The following DPP10 variants were observed in gnomAD, a reference collection of about 807,000 sequenced individuals.
The protein encoded by DPP10 is dipeptidyl peptidase like 10, also known as inactive dipeptidyl peptidase 10.
A neutral mutation model predicts 120.9 loss-of-function variants in DPP10; 33 were observed. The ratio of observed to expected loss-of-function variants is 0.27; its 90% CI spans 0.21 to 0.37. The LOEUF (loss-of-function observed/expected upper bound fraction) is 0.37. Ranked by LOEUF, DPP10 falls within the 10% of genes least tolerant of loss-of-function variation. The pLI, the probability that DPP10 is intolerant of heterozygous loss-of-function variation, is 1.00. For synonymous variants in DPP10, 337 were observed against 326.1 expected (o/e 1.03, Z -0.36); for missense variants, 816 against 942.8 (o/e 0.87, Z 1.76).
At chr2:115,292,190 T>C (rs2060684776) in intron 1 of DPP10, among the ~76,000 whole-genome samples, 1 of 152,110 alleles carries the variant, frequency 6.6e-6, no homozygotes, top group African/African-American at 2.4e-5. Context: ...CACCTAAACT[T>C]CATAGGAATG....
chr2:115,722,488 A>G (rs1393055136), intron 7 of DPP10, among the ~76,000 whole-genome samples: 3 of 151,984 alleles, frequency 2.0e-5, no homozygotes, highest in East Asian at 1.9e-4. Flanking sequence ...TGCAAACATC[A>G]TAGGGTATAT....
chr2:115,080,183 A>C (rs1708155763), intron 1 of DPP10, among the ~76,000 whole-genome samples: 1 of 152,080 alleles, frequency 6.6e-6, no homozygotes, highest in Admixed American at 6.6e-5. Context: ...AAGCCTGGCT[A>C]ATTTCTGTGT....
chr2:115,237,016 C>T (rs1214395196), intron 1 of DPP10, among the ~76,000 whole-genome samples: 1 of 152,070 alleles, frequency 6.6e-6, no homozygotes, highest in Non-Finnish European at 1.5e-5. Context: ...TGTATAGCAG[C>T]AGCAACAGCC....
At chr2:114,515,347 T>C (rs186579090) in intron 1 of DPP10, among the ~76,000 whole-genome samples, 393 of 152,274 alleles carry the variant, frequency 2.6e-3, no homozygotes, top group Admixed American at 4.0e-3. Flanking sequence ...CTGCAGCTCG[T>C]TGGCAACAGA....
At chr2:115,005,060 C>A (rs1487183225) in intron 1 of DPP10, among the ~76,000 whole-genome samples, 3 of 151,910 alleles carry the variant, frequency 2.0e-5, no homozygotes, top group Admixed American at 6.6e-5. Context: ...GTCCCTGACC[C>A]CTGACCCCCG....
At chr2:115,578,189 C>T (rs1558875392) in intron 5 of DPP10, among the ~76,000 whole-genome samples, 2 of 152,280 alleles carry the variant, frequency 1.3e-5, no homozygotes, top group East Asian at 1.9e-4. Context: ...CCTCTGTGGG[C>T]TTTATCACCT....
At chr2:115,034,392 A>G (rs1704073880) in intron 1 of DPP10, among the ~76,000 whole-genome samples, 2 of 152,110 alleles carry the variant, frequency 1.3e-5, no homozygotes. Flanking sequence ...AGAGTCCTAA[A>G]TTTCTATCTC....
In DPP10 at chr2:114,892,537, G is replaced by A. The variant is rs542265150; in HGVS notation, c.61-416702G>A. On this transcript the variant is annotated intron_variant, in intron 1 of 25. Coordinates refer to ENST00000410059, the MANE Select transcript of DPP10 (RefSeq NM_020868.6). ...TGAAACTACACAAAGGATCTACAGA[G>A]CAGGTGAAAGAATGAGGCAGTGGTC... Among the ~76,000 whole-genome samples, 184 of 152,312 alleles carry A rather than the reference G, an allele frequency of 1.2e-3. 2 individuals carry two copies. Among genetic ancestry groups the A allele is most frequent in the African/African-American group, 4.4e-3 (181 of 41,574 alleles).
intron 1 of DPP10, among the ~76,000 whole-genome samples, chr2:114,445,405 A>G (rs116702139): frequency 0.011 from 1,618 of 152,240 alleles, 20 homozygotes; most frequent in African/African-American, 0.037. Flanking sequence ...AGTATAGTAA[A>G]TGCTGACTGT....
chr2:115,560,087 G>T (rs750725038), intron 5 of DPP10, among the ~76,000 whole-genome samples: 76 of 151,768 alleles, frequency 5.0e-4, no homozygotes, highest in Non-Finnish European at 8.2e-4. Flanking sequence ...CTGTCAAAGA[G>T]CCCACAGTGT....
chr2:115,274,400 T>C (rs1049287514), intron 1 of DPP10, among the ~76,000 whole-genome samples: 1 of 152,206 alleles, frequency 6.6e-6, no homozygotes, highest in African/African-American at 2.4e-5. Context: ...GGTGAATATT[T>C]AGGTGCACTT....
intron 1 of DPP10, among the ~76,000 whole-genome samples, chr2:114,473,590 G>A (rs1026796537): frequency 1.3e-5 from 2 of 152,166 alleles, no homozygotes; most frequent in Non-Finnish European, 2.9e-5. Context: ...ACAGGCAATC[G>A]AAGATGTAGT....
intron 1 of DPP10, among the ~76,000 whole-genome samples, chr2:114,851,825 G>T (rs890787444): frequency 1.3e-5 from 2 of 152,080 alleles, no homozygotes; most frequent in Non-Finnish European, 2.9e-5. Flanking sequence ...AGTTGCACAC[G>T]CATTGCAAGG....
rs555156289 is a variant in DPP10, at chr2:114,927,066, G to A, written c.61-382173G>A. ...GGGTTTCACTGTGTTAGCCAGAATG[G>A]TCTCGAGCTCCTGACCTCATGATCC... On this transcript the variant is annotated intron_variant, in intron 1 of 25. Coordinates refer to ENST00000410059, the MANE Select transcript of DPP10 (RefSeq NM_020868.6). Among the ~76,000 whole-genome samples the A allele has an allele frequency of 3.9e-5, 6 of 151,942 alleles. No homozygotes were observed. In the South Asian group the frequency reaches 1.2e-3, roughly 32 times the overall value.
intron 5 of DPP10, among the ~76,000 whole-genome samples, chr2:115,610,702 T>C (rs2084037871): frequency 1.3e-5 from 2 of 152,186 alleles, no homozygotes; most frequent in Non-Finnish European, 2.9e-5. Flanking sequence ...ACTTTGTTAT[T>C]ATTGTAAGAG....
chr2:115,511,936 T>C (rs2077256132), intron 4 of DPP10, among the ~76,000 whole-genome samples: 1 of 151,646 alleles, frequency 6.6e-6, no homozygotes, highest in Non-Finnish European at 1.5e-5. Flanking sequence ...CTCACTATGT[T>C]TCCTAGGCTG....
intron 1 of DPP10, among the ~76,000 whole-genome samples, chr2:114,551,039 C>T (rs1202969678): frequency 1.3e-5 from 2 of 152,192 alleles, no homozygotes; most frequent in Non-Finnish European, 2.9e-5. Context: ...AATAGATACA[C>T]CACAAAGCCC....
intron 1 of DPP10, among the ~76,000 whole-genome samples, chr2:115,185,797 C>G (rs567937354): frequency 6.6e-6 from 1 of 152,106 alleles, no homozygotes; most frequent in Non-Finnish European, 1.5e-5. Flanking sequence ...GTAATCTGAA[C>G]AATATTAAAC....
chr2:114,747,473 T>C (rs953555631), intron 1 of DPP10, among the ~76,000 whole-genome samples: 1 of 152,178 alleles, frequency 6.6e-6, no homozygotes, highest in Non-Finnish European at 1.5e-5. Flanking sequence ...ACTGTGTTGA[T>C]ATAGAAGCAT....
Sources: gnomAD v4.1 joint callset for allele counts (sites outside exome capture counted in the v4.1 genomes callset) on GRCh38, gnomAD v4.1.1 for gene constraint, MANE v1.5 for transcripts, NCBI Gene and HGNC (gene_info 2026-07-23, HGNC 2026-07-21) for gene names.